The following ESPL1 variants were observed in gnomAD, a reference collection of about 807,000 sequenced individuals.
ESPL1 encodes separin.
In ESPL1, 50 loss-of-function variants were observed where a neutral mutation model predicts 217.2. That is an observed-to-expected ratio of 0.23 (90% confidence interval 0.18 to 0.29). The LOEUF is 0.29. ESPL1 is among the 10% of genes least tolerant of loss of function. The probability of loss-of-function intolerance (pLI) is 1.00; values close to 1 mark genes in which losing one functional copy is unlikely to be tolerated. For synonymous variants in ESPL1, 994 were observed against 1,081.3 expected (o/e 0.92, Z 1.58); for missense variants, 1,834 against 2,603.0 (o/e 0.70, Z 6.43).
At position 53,292,756 on chromosome 12, in the gene ESPL1, G is replaced by A. The variant is rs1352962836; in HGVS notation, c.5997-50G>A. On this transcript the variant is annotated intron_variant, in intron 29 of 30. Transcript: ENST00000257934. The surrounding 1 kb of genome is among the most constrained non-coding windows in gnomAD (Gnocchi z 4.5). ...TTGAGAGCCTCTGAAGACACAGGCA[G>A]AGGCCAGGTATTACTAGCTCAAGAC... 10 of 1,605,532 alleles carry A rather than the reference G, an allele frequency of 6.2e-6. No individual in the cohort carries two copies. The highest frequency in any genetic ancestry group is 7.6e-6 in the Non-Finnish European group (9 of 1,177,470).
rs1380698822 is a variant in ESPL1 at position 53,269,245 on chromosome 12, C to T, written c.303C>T (p.Leu101=). The change falls in exon 3 of 31, where the codon CTC becomes CTT. Residue 101 remains leucine, a synonymous_variant. Transcript: ENST00000257934. This position sits in a 1 kb window ranked among gnomAD's most constrained non-coding sequence, Gnocchi z 6.7. ...QRPPLYLERI[L]FVLLRNAAAQ... ...CTCCCCTCTACCTGGAACGAATTCT[C>T]TTTGTCTTACTGCGGAATGCTGCTG... 2 of 1,614,074 alleles carry T rather than the reference C, an allele frequency of 1.2e-6. No homozygotes were observed. The highest frequency in any genetic ancestry group is 1.7e-6 in the Non-Finnish European group (2 of 1,180,038).
At position 53,282,983 on chromosome 12, in the gene ESPL1, T is replaced by A. The variant is rs1475396995; in HGVS notation, c.2792-146T>A. On this transcript the variant is annotated intron_variant, in intron 14 of 30. Coordinates refer to ENST00000257934, the MANE Select transcript of ESPL1 (RefSeq NM_012291.5). This position sits in a 1 kb window ranked among gnomAD's most constrained non-coding sequence, Gnocchi z 4.0. ...GAAAGGATTCTGAGACCCCAGGGGA[T>A]CTCAGAGGGAAGGAGTTATGAGATT... 2 of 1,038,602 alleles carry A rather than the reference T, an allele frequency of 1.9e-6. No individual in the cohort carries two copies. Among genetic ancestry groups the A allele is most frequent in the African/African-American group, 3.2e-5 (2 of 62,918 alleles). 64.3% of individuals were successfully genotyped at this position (1,038,602 alleles called of 1,614,324 possible). A position where few individuals can be genotyped will look rare whatever the true frequency, so the allele number is the denominator to read the frequency against.
In ESPL1 at chr12:53,286,727, A is replaced by G; in HGVS notation, c.3991A>G (p.Asn1331Asp). The G allele has an allele frequency of 6.2e-7, 1 of 1,614,130 alleles. No individual in the cohort carries two copies. The highest frequency in any genetic ancestry group is 8.5e-7 in the Non-Finnish European group (1 of 1,180,012). The change falls in exon 18 of 31, where the codon AAT becomes GAT. Residue 1331 changes from asparagine to aspartate, a missense_variant. Around this residue, in one of 5 missense-constraint regions of ESPL1, gnomAD observed 681 missense variants for 808.0 expected, o/e 0.84. Transcript: ENST00000257934. This position sits in a 1 kb window ranked among gnomAD's most constrained non-coding sequence, Gnocchi z 5.3. ...QKLASAPLRL[N>D]NTSQKGLEGR... ...GTTAGCCTCTGCTCCCCTGCGCCTC[A>G]ATAATACCTCTCAGAAAGGTCTGGA...
In ESPL1 at chr12:53,286,294, C is replaced by T. The variant is rs765718188; in HGVS notation, c.3558C>T (p.Val1186=). 13 of 1,614,160 alleles carry T rather than the reference C, an allele frequency of 8.1e-6. No individual in the cohort carries two copies. The highest frequency in any genetic ancestry group is 2.2e-5 in the East Asian group (1 of 44,880). Reference sequence around the variant, plus strand: ...CCCAGGGTCTGGATCTGCTGCAGGTCGTGCTGAAGGGCTGTCCTGAAGCCG... The same window carrying T: ...CCCAGGGTCTGGATCTGCTGCAGGTTGTGCTGAAGGGCTGTCCTGAAGCCG... ...HQAQGLDLLQ[V]VLKGCPEAAE... is the part of the protein sequence containing the mutation. The change falls in exon 18 of 31, where the codon GTC becomes GTT. Residue 1186 remains valine (V), a synonymous_variant. Transcript: ENST00000257934. This position sits in a 1 kb window ranked among gnomAD's most constrained non-coding sequence, Gnocchi z 5.3.
rs565429762 is a variant in ESPL1 at position 53,286,669 on chromosome 12, G to A, written c.3933G>A (p.Gln1311=). 8.1e-6 allele frequency: 13 copies of A among 1,614,140 alleles called. No homozygotes were observed. In the African/African-American group the frequency reaches 1.6e-4, roughly 20 times the overall value. Residue 1311 remains glutamine, a synonymous_variant, in exon 18 of 31, where the codon CAG becomes CAA. Coordinates refer to ENST00000257934, the MANE Select transcript of ESPL1 (RefSeq NM_012291.5). The surrounding 1 kb of genome is among the most constrained non-coding windows in gnomAD (Gnocchi z 5.3). ...CTGGCTCAGAGCCCTCTAAGACTCA[G>A]GGCCAAAAACGTTCTGGACGAGGGC... ...SVPGSEPSKT[Q]GQKRSGRGRQ... is the part of the protein sequence containing the mutation.
At chr12:53,281,399 A>G in intron 12 of ESPL1, 108 bp from the exon 13 acceptor site, 1 of 1,174,160 alleles carries the variant, frequency 8.5e-7, no homozygotes, top group Non-Finnish European at 1.2e-6. Context: ...TTGGCCTCCC[A>G]AAGTGCTGGG....
rs71096001 is a variant in ESPL1, at chr12:53,273,836, G to GTTTTTTT, written c.1507-957_1507-951dup. On this transcript the variant is annotated intron_variant, in intron 6 of 30. Transcript: ENST00000257934. ...GAGAACCTGGGTTCTTGGTTTTTTG[G>GTTTTTTT]TTTTTTTTTTTTTTTTTTTTTTTTT... 1.5e-3 allele frequency among the ~76,000 whole-genome samples: 97 copies of GTTTTTTT among 63,168 alleles called. 10 individuals carry two copies. Among genetic ancestry groups the GTTTTTTT allele is most frequent in the African/African-American group, 6.9e-3 (89 of 12,824 alleles). The allele number at this position is 63,168 out of a possible 152,430, so 41.4% of individuals were successfully genotyped here. A position where few individuals can be genotyped will look rare whatever the true frequency, so the allele number is the denominator to read the frequency against.
At chr12:53,283,297 C>T in intron 15 of ESPL1, 40 bp downstream of exon 15, 1 of 1,612,194 alleles carries the variant, frequency 6.2e-7, no homozygotes. Flanking sequence ...TTGGAATGGA[C>T]AGGCTATGTG....
chr12:53,292,348 A>G lies in ESPL1; in HGVS notation c.5867A>G (p.Asn1956Ser), dbSNP rs370986015. 6.2e-7 allele frequency: 1 copy of G among 1,614,118 alleles called. No individual in the cohort carries two copies. The highest frequency in any genetic ancestry group is 1.3e-5 in the African/African-American group (1 of 75,040). The change falls in exon 28 of 31, where the codon AAT (asparagine) becomes AGT (serine). Residue 1956 changes from asparagine to serine, a missense_variant. By Grantham distance (46) the Asn-to-Ser change is conservative. This residue lies in a region of ESPL1 where 295 missense variants were observed against 519.8 expected (regional missense o/e 0.57). Coordinates refer to ENST00000257934, the MANE Select transcript of ESPL1 (RefSeq NM_012291.5). This position sits in a 1 kb window ranked among gnomAD's most constrained non-coding sequence, Gnocchi z 4.5. ...ACCTTCTATGTCCTGAACCCTCACA[A>G]TAACCTGTCAAGCACAGAGGAGCAA... ...RSTFYVLNPH[N>S]NLSSTEEQFR...
rs748424923 is a variant in ESPL1 at position 53,291,010 on chromosome 12, G to C, written c.5520+14G>C. The C allele has an allele frequency of 2.2e-5, 34 of 1,565,548 alleles. No individual in the cohort carries two copies. The highest frequency in any genetic ancestry group is 2.8e-5 in the Non-Finnish European group (32 of 1,154,710). On this transcript the variant is annotated intron_variant, in intron 25 of 30. Transcript: ENST00000257934. ...ACTCTGCTGAAAGTGAGTGAGGAAA[G>C]CAGGGAAGGGGGCCAGGCCCAGTGG...
At chr12:53,271,683 CA>C (rs1245041747) in intron 5 of ESPL1, among the ~76,000 whole-genome samples, 2 of 149,462 alleles carry the variant, frequency 1.3e-5, no homozygotes, top group Non-Finnish European at 1.5e-5. Context: ...AACTCCATCT[CA>C]AAAAAAAAGG....
intron 25 of ESPL1, 40 bp from the exon 26 acceptor site, chr12:53,291,650 A>C: frequency 6.3e-7 from 1 of 1,583,800 alleles, no homozygotes; most frequent in Non-Finnish European, 8.6e-7. Context: ...AGCAGCTATC[A>C]TGAATGAAGA....
At chr12:53,281,468 G>A in intron 12 of ESPL1, 39 bp from the exon 13 acceptor site, 1 of 1,605,464 alleles carries the variant, frequency 6.2e-7, no homozygotes, top group Non-Finnish European at 8.5e-7. Flanking sequence ...TGAAGAGCCT[G>A]GCTGCCTTTC....
At chr12:53,277,264 TG>T (rs1330758004) in intron 9 of ESPL1, 37 bp downstream of exon 9, 15 of 1,587,980 alleles carry the variant, frequency 9.4e-6, no homozygotes, top group Non-Finnish European at 1.2e-5. Context: ...CAGAACTGGG[TG>T]TAGGAATTAC....
Position 53,292,856 on chromosome 12 carries a change from T to G in ESPL1, c.6047T>G (p.Leu2016Arg). The stretch of plus-strand genomic sequence containing the variant: ...CGCTTCCTTGATGGGCAGGCTGTCC[T>G]GCGGCTGAGCTGTCGGGCAGTGGCC... ...GARFLDGQAV[L>R]RLSCRAVALL... The change falls in exon 30 of 31, where the codon CTG (leucine) becomes CGG (arginine). Residue 2016 changes from leucine (L) to arginine (R), a missense_variant. Transcript: ENST00000257934. The surrounding 1 kb of genome is among the most constrained non-coding windows in gnomAD (Gnocchi z 4.5). The G allele has an allele frequency of 6.2e-7, 1 of 1,612,628 alleles. No homozygotes were observed. The highest frequency in any genetic ancestry group is 1.1e-5 in the South Asian group (1 of 91,086).
rs1314652342 is a variant in ESPL1, at chr12:53,272,767, C to G, written c.1416C>G (p.Leu472=). The change falls in exon 6 of 31, where the codon CTC becomes CTG. Residue 472 remains leucine (L), a synonymous_variant. Coordinates refer to ENST00000257934, the MANE Select transcript of ESPL1 (RefSeq NM_012291.5). ...CCTACAGCTTCTATAGTCACAAGCTCTATGCCGAGGCCTGTGCCATCTCTG... is the reference window on the plus strand; with the variant it reads ...CCTACAGCTTCTATAGTCACAAGCTGTATGCCGAGGCCTGTGCCATCTCTG... The part of the protein sequence containing the change: ...NLAYSFYSHK[L]YAEACAISEP... 8 of 1,614,028 alleles carry G rather than the reference C, an allele frequency of 5.0e-6. No individual in the cohort carries two copies. Among genetic ancestry groups the G allele is most frequent in the South Asian group, 2.2e-5 (2 of 91,086 alleles).
chr12:53,277,321 C>A, intron 9 of ESPL1, 94 bp downstream of exon 9: 2 of 1,499,976 alleles, frequency 1.3e-6, no homozygotes, highest in South Asian at 1.3e-5. Context: ...TTTTTTTGTT[C>A]GTTATTTTTA....
In ESPL1 at chr12:53,293,538, T is replaced by A; in HGVS notation, c.*64T>A. On this transcript the variant is annotated 3_prime_UTR_variant, in exon 31 of 31. Transcript: ENST00000257934. The surrounding 1 kb of genome is among the most constrained non-coding windows in gnomAD (Gnocchi z 4.2). The stretch of plus-strand genomic sequence containing the variant: ...ACTGTTCTACCTCCAAGGTTAGATT[T>A]AATCCTTAGGATAACTCTTTTAAAG... 2 of 1,239,046 alleles carry A rather than the reference T, an allele frequency of 1.6e-6. No homozygotes were observed. The highest frequency in any genetic ancestry group is 2.4e-6 in the Non-Finnish European group (2 of 847,136). The allele number at this position is 1,239,046 out of a possible 1,614,324, so 76.8% of individuals were successfully genotyped here. A position where few individuals can be genotyped will look rare whatever the true frequency, so the allele number is the denominator to read the frequency against.
rs1364805138 is a variant in ESPL1, at chr12:53,286,943, A to G, written c.4176+31A>G. 1.3e-6 allele frequency: 2 copies of G among 1,552,590 alleles called. No individual in the cohort carries two copies. The highest frequency in any genetic ancestry group is 3.9e-5 in the Admixed American group (2 of 51,196). ...GTGGGACTGTTGCTAGGTGGTGGTGATGGTGTTGGATGGGGTTAGTCCTGG... is the reference window on the plus strand; with the variant it reads ...GTGGGACTGTTGCTAGGTGGTGGTGGTGGTGTTGGATGGGGTTAGTCCTGG... On this transcript the variant is annotated intron_variant, in intron 18 of 30. Transcript: ENST00000257934. This position sits in a 1 kb window ranked among gnomAD's most constrained non-coding sequence, Gnocchi z 5.3.
Sources: allele counts gnomAD v4.1 joint callset (sites outside exome capture counted in the v4.1 genomes callset), GRCh38; gene constraint gnomAD v4.1.1; regional missense constraint gnomAD v4.1.1; non-coding constraint Gnocchi (gnomAD v3.1); transcripts MANE v1.5; gene names NCBI Gene and HGNC (gene_info 2026-07-23, HGNC 2026-07-21).